Variants in MED12L observed in about 807,000 individuals in gnomAD.
The protein encoded by MED12L is mediator of RNA polymerase II transcription subunit 12-like protein.
Under a neutral mutation model 281.3 loss-of-function variants are expected in MED12L, and 60 were observed. That is an observed-to-expected ratio of 0.21 (90% CI 0.17 to 0.26). The LOEUF is 0.26. MED12L is among the 10% of genes least tolerant of loss of function. MED12L has a pLI of 1.00. For synonymous variants in MED12L, 974 were observed against 987.2 expected, an observed-to-expected ratio of 0.99 and a Z score of 0.25; for missense variants, 2,146 against 2,680.9, an observed-to-expected ratio of 0.80 and a Z score of 4.41.
rs1401513657 is a variant in MED12L, at chr3:151,193,673, C to T, written c.2250+7C>T. ...ACATTTTCCTATACCTCTGGTAAGT[C>T]ATTGCTTCAGTTAATCTATACCCTG... On this transcript the variant is annotated splice_region_variant and intron_variant, in intron 16 of 44. Coordinates refer to ENST00000687756, the MANE Select transcript of MED12L (RefSeq NM_001393769.1). The T allele has an allele frequency of 6.2e-7, 1 of 1,607,836 alleles. No homozygotes were observed. Among genetic ancestry groups the T allele is most frequent in the Non-Finnish European group, 8.5e-7 (1 of 1,175,090 alleles).
At chr3:151,341,385 G>C (rs1380665706) in intron 16 of MED12L, among the ~76,000 whole-genome samples, 21 of 151,950 alleles carry the variant, frequency 1.4e-4, no homozygotes, top group Admixed American at 1.4e-3. Flanking sequence ...TTCTTGAATA[G>C]AATTTAAATA....
intron 16 of MED12L, among the ~76,000 whole-genome samples, chr3:151,288,681 C>T (rs1743863034): frequency 6.6e-6 from 1 of 152,188 alleles, no homozygotes; most frequent in Non-Finnish European, 1.5e-5. Flanking sequence ...ATTATGGTTA[C>T]ATATACACTT....
intron 24 of MED12L, 47 bp from the exon 25 acceptor site, chr3:151,368,103 T>C (rs1270893194): frequency 6.9e-7 from 1 of 1,446,412 alleles, no homozygotes; most frequent in Non-Finnish European, 9.7e-7. Flanking sequence ...GAAGGACTTG[T>C]TCCCAAGTGT....
intron 16 of MED12L, among the ~76,000 whole-genome samples, chr3:151,279,095 C>A (rs980761666): frequency 6.6e-6 from 1 of 152,126 alleles, no homozygotes; most frequent in Admixed American, 6.5e-5. Flanking sequence ...CTATTAGTGC[C>A]ATTAGATTTG....
chr3:151,340,114 A>G (rs559716042), intron 16 of MED12L, among the ~76,000 whole-genome samples: 5 of 152,100 alleles, frequency 3.3e-5, no homozygotes, highest in Admixed American at 2.6e-4. Context: ...CTCCTCACCT[A>G]TTTAGCGCTT....
chr3:151,400,843 A>C (rs1261812992), intron 39 of MED12L, among the ~76,000 whole-genome samples: 4 of 152,204 alleles, frequency 2.6e-5, no homozygotes, highest in Non-Finnish European at 4.4e-5. Flanking sequence ...AATAGAAAAA[A>C]TGTAATAATC....
intron 16 of MED12L, among the ~76,000 whole-genome samples, chr3:151,259,757 G>T (rs190257705): frequency 1.5e-4 from 23 of 152,186 alleles, no homozygotes; most frequent in African/African-American, 5.3e-4. Flanking sequence ...CCACTTAAAC[G>T]AGCTCATAGC....
At chr3:151,269,629 C>T (rs1490845198) in intron 16 of MED12L, 4 of 382,188 alleles carry the variant, frequency 1.0e-5, no homozygotes, top group African/African-American at 2.1e-5. Flanking sequence ...CAAAGAGGCA[C>T]TGTATTATTT....
At chr3:151,129,715 T>TTGTGTG (rs62785262) in intron 5 of MED12L, among the ~76,000 whole-genome samples, 295 of 147,646 alleles carry the variant, frequency 2.0e-3, no homozygotes, top group African/African-American at 6.8e-3. Context: ...ATATCTACAT[T>TTGTGTG]TGTGTGTGTG....
At chr3:151,089,973 G>C (rs1053305175) in intron 2 of MED12L, among the ~76,000 whole-genome samples, 1 of 152,152 alleles carries the variant, frequency 6.6e-6, no homozygotes, top group African/African-American at 2.4e-5. Flanking sequence ...ATGCTCTCCA[G>C]TTTCACCAGT....
At chr3:151,265,964 T>A (rs1436128197) in intron 16 of MED12L, among the ~76,000 whole-genome samples, 1 of 152,156 alleles carries the variant, frequency 6.6e-6, no homozygotes, top group Non-Finnish European at 1.5e-5. Flanking sequence ...TCTGATTAGT[T>A]CTGGTTCAAA....
chr3:151,262,994 C>T (rs987306467), intron 16 of MED12L, among the ~76,000 whole-genome samples: 2 of 152,056 alleles, frequency 1.3e-5, no homozygotes, highest in African/African-American at 4.8e-5. Flanking sequence ...TTAACATGTA[C>T]CCTCTGCTGG....
intron 37 of MED12L, among the ~76,000 whole-genome samples, chr3:151,389,562 G>A (rs1227901811): frequency 6.6e-6 from 1 of 152,146 alleles, no homozygotes; most frequent in Non-Finnish European, 1.5e-5. Context: ...CCAAAGAGTG[G>A]TTCTGAAGCA....
intron 41 of MED12L, among the ~76,000 whole-genome samples, chr3:151,412,810 G>T (rs1415533521): frequency 2.0e-5 from 3 of 152,190 alleles, no homozygotes; most frequent in African/African-American, 7.2e-5. Context: ...CTGGTGGGGA[G>T]TAAATGAAGT....
chr3:151,327,993 A>G lies in MED12L; in HGVS notation c.2251-22066A>G, dbSNP rs778963652. 12 of 1,545,010 alleles carry G rather than the reference A, an allele frequency of 7.8e-6. No homozygotes were observed. The South Asian group carries it at 1.3e-4, about 17-fold the overall frequency. ...GAAGTTAACCCTATGTACAGTTGTC[A>G]GCCTAAGGTTATGTTGTCTGTCTGA... On this transcript the variant is annotated intron_variant, in intron 16 of 44. Coordinates refer to ENST00000687756, the MANE Select transcript of MED12L (RefSeq NM_001393769.1).
At chr3:151,346,714 C>T (rs1041760559) in intron 16 of MED12L, among the ~76,000 whole-genome samples, 1 of 152,152 alleles carries the variant, frequency 6.6e-6, no homozygotes, top group African/African-American at 2.4e-5. Context: ...ACCATCTCAG[C>T]TCTCTTAGCC....
chr3:151,285,600 G>A (rs1743385857), intron 16 of MED12L, among the ~76,000 whole-genome samples: 1 of 151,978 alleles, frequency 6.6e-6, no homozygotes, highest in South Asian at 2.1e-4. Context: ...CTTGGGTGAT[G>A]GGTGCACCAA....
intron 43 of MED12L, among the ~76,000 whole-genome samples, chr3:151,418,152 TTTA>T (rs1485123879): frequency 6.6e-6 from 1 of 152,248 alleles, no homozygotes; most frequent in African/African-American, 2.4e-5. Context: ...TCACATTTGC[TTTA>T]TTATTCTCTC....
chr3:151,190,634 G>T, intron 13 of MED12L, 83 bp from the exon 14 acceptor site: 1 of 1,222,672 alleles, frequency 8.2e-7, no homozygotes, highest in Non-Finnish European at 1.2e-6. Flanking sequence ...ATTGTGAAAA[G>T]TAATGAAAAT....
Sources: allele counts gnomAD v4.1 joint callset (sites outside exome capture counted in the v4.1 genomes callset), GRCh38; gene constraint gnomAD v4.1.1; transcripts MANE v1.5; gene names NCBI Gene and HGNC (gene_info 2026-07-23, HGNC 2026-07-21).